The following GFPT1 variants were observed in gnomAD, a reference collection of about 807,000 sequenced individuals.
GFPT1 encodes the protein glutamine--fructose-6-phosphate transaminase 1.
GFPT1 carries 40 observed loss-of-function variants against 92.0 expected under a neutral mutation model. That is an observed-to-expected ratio of 0.43 (90% CI 0.34 to 0.57). GFPT1 has a LOEUF of 0.57. Ranked by LOEUF, GFPT1 falls within the 20% of genes least tolerant of loss-of-function variation. GFPT1 has a pLI of 0.02. For synonymous variants in GFPT1, 269 were observed against 280.6 expected (o/e 0.96, Z 0.41); for missense variants, 448 against 869.1 (o/e 0.52, Z 6.09).
At position 69,320,605 on chromosome 2, in the gene GFPT1, T is replaced by G. The variant is rs1271528703; in HGVS notation, c.*5584A>C. ...GAGTTTGAGACTAGCCTGGCCAACA[T>G]GGTGAAACCCCGTCTCTACTAAAAA... On this transcript the variant is annotated 3_prime_UTR_variant, in exon 20 of 20. Transcript: ENST00000357308. 6.6e-6 allele frequency: 1 copy of G among 152,184 alleles called. No homozygotes were observed. Among genetic ancestry groups the G allele is most frequent in the African/African-American group, 2.4e-5 (1 of 41,424 alleles). 9.4% of individuals were successfully genotyped at this position (152,184 alleles called of 1,614,324 possible). A position where few individuals can be genotyped will look rare whatever the true frequency, so the allele number is the denominator to read the frequency against.
In GFPT1 at chr2:69,384,673, G is replaced by A. The variant is rs536876600; in HGVS notation, c.7+2392C>T. Among the ~76,000 whole-genome samples the A allele has an allele frequency of 6.8e-5, 9 of 131,788 alleles. No individual in the cohort carries two copies. The East Asian group carries it at 1.8e-3, about 27-fold the overall frequency. The allele number at this position is 131,788 out of a possible 152,430, so 86.5% of individuals were successfully genotyped here. ...CATGCCGCTGCACTCCAGCCTGGGC[G>A]ACAGAGAGAGGCCCCGTCACAAAAA... On this transcript the variant is annotated intron_variant, in intron 1 of 19. Coordinates refer to ENST00000357308, the MANE Select transcript of GFPT1 (RefSeq NM_001244710.2).
At chr2:69,386,250 T>G (rs1558792387) in intron 1 of GFPT1, among the ~76,000 whole-genome samples, 2 of 152,310 alleles carry the variant, frequency 1.3e-5, no homozygotes, top group South Asian at 4.1e-4. Flanking sequence ...TAACCTTAAT[T>G]TTTTAAGGCT....
intron 1 of GFPT1, among the ~76,000 whole-genome samples, chr2:69,377,512 T>C (rs1375490834): frequency 7.7e-6 from 1 of 130,462 alleles, no homozygotes; most frequent in African/African-American, 3.0e-5. Context: ...AAAAAAAAAA[T>C]AGCCAGCTGT....
At chr2:69,380,507 T>C (rs540944550) in intron 1 of GFPT1, among the ~76,000 whole-genome samples, 2 of 152,298 alleles carry the variant, frequency 1.3e-5, no homozygotes, top group African/African-American at 2.4e-5. Context: ...GACACGTCTC[T>C]TGCACATTTA....
At chr2:69,342,859 T>C (rs1444724882) in intron 12 of GFPT1, among the ~76,000 whole-genome samples, 2 of 152,190 alleles carry the variant, frequency 1.3e-5, no homozygotes, top group Non-Finnish European at 2.9e-5. Context: ...TAGAGTAACA[T>C]AAACCCACTC....
intron 1 of GFPT1, among the ~76,000 whole-genome samples, chr2:69,381,687 T>C (rs1375753085): frequency 1.3e-5 from 2 of 150,992 alleles, no homozygotes; most frequent in Admixed American, 6.6e-5. Context: ...CTAAGTAGAC[T>C]GGACTACAGG....
intron 19 of GFPT1, among the ~76,000 whole-genome samples, chr2:69,326,563 C>T (rs981361381): frequency 6.6e-6 from 1 of 152,074 alleles, no homozygotes; most frequent in African/African-American, 2.4e-5. Context: ...GCTGAGAAAC[C>T]AGGAATGCTA....
chr2:69,344,130 C>T (rs1486000941), intron 12 of GFPT1, among the ~76,000 whole-genome samples: 1 of 119,516 alleles, frequency 8.4e-6, no homozygotes, highest in Non-Finnish European at 1.6e-5. Flanking sequence ...AAGGAAACAG[C>T]AGTAAAAGGC....
chr2:69,346,522 G>A (rs2104632369), intron 11 of GFPT1, among the ~76,000 whole-genome samples: 1 of 152,258 alleles, frequency 6.6e-6, no homozygotes, highest in South Asian at 2.1e-4. Context: ...ACAGGCGTGA[G>A]CCACCGCACT....
At chr2:69,362,025 C>T (rs754394819) in intron 4 of GFPT1, among the ~76,000 whole-genome samples, 105 of 152,048 alleles carry the variant, frequency 6.9e-4, no homozygotes, top group Non-Finnish European at 1.3e-3. Flanking sequence ...CACACATACA[C>T]ACTTTTGTAT....
intron 15 of GFPT1, among the ~76,000 whole-genome samples, chr2:69,331,167 GC>G (rs1670653764): frequency 6.6e-6 from 1 of 152,124 alleles, no homozygotes; most frequent in African/African-American, 2.4e-5. Context: ...TATCTCTTTA[GC>G]AAACTTTTAC....
At position 69,320,799 on chromosome 2, in the gene GFPT1, A is replaced by C. The variant is rs940728850; in HGVS notation, c.*5390T>G. Reference sequence around the variant, plus strand: ...CAAAACTCCATCTCAAAAAAAAAAAAAAGAAGCCTCTGGAAAAAATGACGC... The same window carrying C: ...CAAAACTCCATCTCAAAAAAAAAAACAAGAAGCCTCTGGAAAAAATGACGC... On this transcript the variant is annotated 3_prime_UTR_variant, in exon 20 of 20. Coordinates refer to ENST00000357308, the MANE Select transcript of GFPT1 (RefSeq NM_001244710.2). 3 of 152,342 alleles carry C rather than the reference A, an allele frequency of 2.0e-5. No homozygotes were observed. Among genetic ancestry groups the C allele is most frequent in the Non-Finnish European group, 2.9e-5 (2 of 68,190 alleles). The allele number at this position is 152,342 out of a possible 1,614,324, so 9.4% of individuals were successfully genotyped here. A position where few individuals can be genotyped will look rare whatever the true frequency, so the allele number is the denominator to read the frequency against.
rs751097758 is a variant in GFPT1 at position 69,374,077 on chromosome 2, G to T, written c.44C>A (p.Thr15Lys). 2 of 1,594,226 alleles carry T rather than the reference G, an allele frequency of 1.3e-6. No individual in the cohort carries two copies. Among genetic ancestry groups the T allele is most frequent in the South Asian group, 1.1e-5 (1 of 90,466 alleles). ...FAYLNYHVPR[T>K]RREILETLIK... ...TAGGGTCTCCAGGATTTCTCGTCTC[G>T]TTCGAGGAACATGGTAGTTTAAGTA... The change falls in exon 2 of 20, where the codon ACG becomes AAG. Residue 15 changes from threonine to lysine, a missense_variant. This residue lies in a region of GFPT1 where 72 missense variants were observed against 95.1 expected (regional missense o/e 0.76). Transcript: ENST00000357308.
intron 1 of GFPT1, among the ~76,000 whole-genome samples, chr2:69,380,322 A>T (rs1671978968): frequency 6.6e-6 from 1 of 152,184 alleles, no homozygotes; most frequent in South Asian, 2.1e-4. Flanking sequence ...AGGCTGGGCG[A>T]CACAGTGAGA....
At chr2:69,382,737 C>T (rs1301638268) in intron 1 of GFPT1, among the ~76,000 whole-genome samples, 1 of 152,118 alleles carries the variant, frequency 6.6e-6, no homozygotes, top group African/African-American at 2.4e-5. Context: ...TTAACATATG[C>T]CATTAATGAT....
At chr2:69,364,396 G>A (rs1025751852) in intron 3 of GFPT1, among the ~76,000 whole-genome samples, 1 of 152,128 alleles carries the variant, frequency 6.6e-6, no homozygotes, top group Admixed American at 6.5e-5. Flanking sequence ...GTTTCCTGGA[G>A]ATACAAATAC....
chr2:69,359,685 G>C (rs1671422212), intron 4 of GFPT1, among the ~76,000 whole-genome samples: 1 of 152,286 alleles, frequency 6.6e-6, no homozygotes, highest in East Asian at 1.9e-4. Flanking sequence ...AAATGAGAGA[G>C]CTGAACTAAA....
intron 12 of GFPT1, among the ~76,000 whole-genome samples, chr2:69,343,404 A>G (rs540057598): frequency 2.0e-5 from 3 of 147,114 alleles, no homozygotes; most frequent in Admixed American, 6.8e-5. Flanking sequence ...TGCTCTCTTC[A>G]TCTCCTCACC....
chr2:69,381,766 C>A (rs1672016310), intron 1 of GFPT1, among the ~76,000 whole-genome samples: 1 of 151,132 alleles, frequency 6.6e-6, no homozygotes, highest in African/African-American at 2.4e-5. Context: ...GTTGCCCGGG[C>A]TGATCTTGAA....
Sources: allele counts gnomAD v4.1 joint callset (sites outside exome capture counted in the v4.1 genomes callset), GRCh38; gene constraint gnomAD v4.1.1; regional missense constraint gnomAD v4.1.1; transcripts MANE v1.5; gene names NCBI Gene and HGNC (gene_info 2026-07-23, HGNC 2026-07-21).